Variants in COL3A1 observed in about 807,000 individuals in gnomAD.
COL3A1 encodes collagen alpha-1(III) chain.
In COL3A1, 46 loss-of-function variants were observed where a neutral mutation model predicts 200.9. The ratio of observed to expected loss-of-function variants is 0.23; its 90% confidence interval spans 0.18 to 0.29. The LOEUF (loss-of-function observed/expected upper bound fraction) is 0.29. COL3A1 is among the 10% of genes least tolerant of loss of function. COL3A1 has a pLI of 1.00. For missense variants in COL3A1, 1,367 were observed against 1,917.6 expected, an observed-to-expected ratio of 0.71 and a Z score of 5.36; for synonymous variants, 650 against 628.0, an observed-to-expected ratio of 1.03 and a Z score of -0.52.
chr2:188,981,508 C>G (rs1043525407), intron 1 of COL3A1, among the ~76,000 whole-genome samples: 5 of 151,544 alleles, frequency 3.3e-5, no homozygotes, highest in African/African-American at 1.2e-4. Context: ...AAGTCCATTA[C>G]TTTTCAATAG....
intron 6 of COL3A1, 124 bp downstream of exon 6, chr2:188,988,258 A>C: frequency 1.2e-6 from 1 of 864,324 alleles, no homozygotes; most frequent in Non-Finnish European, 1.9e-6. Context: ...ATCATAACCA[A>C]GAAACTGATT....
intron 27 of COL3A1, among the ~76,000 whole-genome samples, 155 bp from the exon 28 acceptor site, chr2:188,998,111 A>G (rs1576467592): frequency 6.6e-6 from 1 of 152,230 alleles, no homozygotes. Context: ...ATTATCACGT[A>G]TGTGTCACTG....
chr2:188,993,328 A>C, intron 15 of COL3A1, 33 bp from the exon 16 acceptor site: 2 of 1,529,974 alleles, frequency 1.3e-6, no homozygotes, highest in African/African-American at 1.4e-5. Context: ...AGAAGTGGTA[A>C]GAGAAACTGA....
chr2:189,003,519 T>G (rs1688517968), intron 37 of COL3A1, 55 bp downstream of exon 37: 1 of 1,544,198 alleles, frequency 6.5e-7, no homozygotes, highest in Admixed American at 1.7e-5. Flanking sequence ...TATCAACCTG[T>G]ATAAAAGCTG....
intron 13 of COL3A1, 111 bp from the exon 14 acceptor site, chr2:188,992,073 A>T: frequency 1.0e-6 from 1 of 977,218 alleles, no homozygotes; most frequent in Non-Finnish European, 1.7e-6. Context: ...AGCAGATTTT[A>T]ATGTACTTGA....
intron 29 of COL3A1, 63 bp from the exon 30 acceptor site, chr2:188,999,222 T>A (rs759407062): frequency 7.0e-7 from 1 of 1,435,676 alleles, no homozygotes; most frequent in Non-Finnish European, 9.6e-7. Flanking sequence ...ATGATGCAAG[T>A]TAAGGTGCTT....
intron 43 of COL3A1, 70 bp from the exon 44 acceptor site, chr2:189,006,867 A>T: frequency 1.3e-6 from 2 of 1,506,318 alleles, no homozygotes; most frequent in Non-Finnish European, 1.8e-6. Context: ...TTTACTTTTG[A>T]AAACGAAATT....
chr2:189,005,313 A>G, intron 40 of COL3A1, 37 bp from the exon 41 acceptor site: 1 of 1,548,040 alleles, frequency 6.5e-7, no homozygotes, highest in Non-Finnish European at 8.9e-7. Flanking sequence ...TGATTTCTTA[A>G]GTTGAAACAA....
In COL3A1 at chr2:188,984,762, G is replaced by C. The variant is rs767509336; in HGVS notation, c.82G>C (p.Val28Leu). 2 of 1,612,876 alleles carry C rather than the reference G, an allele frequency of 1.2e-6. No individual in the cohort carries two copies. ...ACGTCATCTAACTTGTTTTTCAGCT[G>C]TTGAAGGAGGATGTTCCCATCTTGG... ...PTIILAQQEAVEGGCSHLGQS... is the reference protein window; with the variant it reads ...PTIILAQQEALEGGCSHLGQS... The change falls in exon 2 of 51, where the codon GTT becomes CTT. Residue 28 changes from valine to leucine, a missense_variant and splice_region_variant. Coordinates refer to ENST00000304636, the MANE Select transcript of COL3A1 (RefSeq NM_000090.4).
chr2:189,010,405 A>C, intron 49 of COL3A1, 40 bp downstream of exon 49: 1 of 1,602,904 alleles, frequency 6.2e-7, no homozygotes, highest in Non-Finnish European at 8.5e-7. Context: ...AGTCACCTCT[A>C]TATCCTTTGT....
At chr2:188,980,002 A>G (rs934945918) in intron 1 of COL3A1, among the ~76,000 whole-genome samples, 2 of 151,720 alleles carry the variant, frequency 1.3e-5, no homozygotes, top group Admixed American at 1.3e-4. Flanking sequence ...CAAACTACTC[A>G]GAGCAGTCCC....
At chr2:188,985,480 A>C (rs1688047501) in intron 3 of COL3A1, among the ~76,000 whole-genome samples, 185 bp from the exon 4 acceptor site, 1 of 151,922 alleles carries the variant, frequency 6.6e-6, no homozygotes, top group African/African-American at 2.4e-5. Context: ...TGTGTAGGTC[A>C]ATATACAAAG....
rs186948696 is a variant in COL3A1, at chr2:188,983,068, A to C, written c.80-1692A>C. 1.9e-3 allele frequency among the ~76,000 whole-genome samples: 283 copies of C among 152,034 alleles called. 1 individual carries two copies. The highest frequency in any genetic ancestry group is 6.4e-3 in the African/African-American group (264 of 41,528). ...CTACTTCATTTCCACTGAGATAAGC[A>C]TTTTGGTATTCAGCTTTTATATTCA... On this transcript the variant is annotated intron_variant, in intron 1 of 50. Transcript: ENST00000304636.
At chr2:188,989,537 G>GA (rs996833144) in intron 8 of COL3A1, 88 bp downstream of exon 8, 1,175 of 941,056 alleles carry the variant, frequency 1.2e-3, no homozygotes, top group Middle Eastern at 3.0e-3. Context: ...AATCCCAGAA[G>GA]AAAAAAAAAT....
At position 188,984,792 on chromosome 2, in the gene COL3A1, T is replaced by C; in HGVS notation, c.112T>C (p.Ser38Pro). 1 of 1,613,070 alleles carries C rather than the reference T, an allele frequency of 6.2e-7. No homozygotes were observed. The highest frequency in any genetic ancestry group is 8.5e-7 in the Non-Finnish European group (1 of 1,179,304). The change falls in exon 2 of 51, where the codon TCC becomes CCC. Residue 38 changes from serine (S) to proline (P), a missense_variant. This residue lies in a region of COL3A1 where 55 missense variants were observed against 51.5 expected (regional missense o/e 1.07). Transcript: ENST00000304636. Reference sequence around the variant, plus strand: ...AGGAGGATGTTCCCATCTTGGTCAGTCCTATGCGGATAGAGATGTCTGGAA... The same window carrying C: ...AGGAGGATGTTCCCATCTTGGTCAGCCCTATGCGGATAGAGATGTCTGGAA... ...VEGGCSHLGQSYADRDVWKPE... is the reference protein window; with the variant it reads ...VEGGCSHLGQPYADRDVWKPE...
In COL3A1 at chr2:188,995,119, ATG is replaced by A. The variant is rs1423950734; in HGVS notation, c.1509+22_1509+23del. 6.2e-7 allele frequency: 1 copy of A among 1,611,558 alleles called. No homozygotes were observed. Among genetic ancestry groups the A allele is most frequent in the African/African-American group, 1.3e-5 (1 of 74,890 alleles). The stretch of plus-strand genomic sequence containing the variant: ...GAAAAGGTAGATAACTTTAGTTTCT[ATG>A]TTCCTAAATGCTAGCACCACAAATG... On this transcript the variant is annotated intron_variant, in intron 21 of 50. Coordinates refer to ENST00000304636, the MANE Select transcript of COL3A1 (RefSeq NM_000090.4).
chr2:189,001,347 A>C, intron 32 of COL3A1, 50 bp from the exon 33 acceptor site: 2 of 1,564,270 alleles, frequency 1.3e-6, no homozygotes, highest in South Asian at 1.1e-5. Context: ...ATTAATGCAA[A>C]AAACGATATT....
chr2:188,995,617 T>C, intron 21 of COL3A1, 75 bp from the exon 22 acceptor site: 1 of 1,036,898 alleles, frequency 9.6e-7, no homozygotes, highest in Non-Finnish European at 1.4e-6. Context: ...GTCCTCTCTT[T>C]GTAACCAAAA....
chr2:189,011,601 T>A (rs1343108873), intron 50 of COL3A1, 27 bp from the exon 51 acceptor site: 1 of 1,613,676 alleles, frequency 6.2e-7, no homozygotes, highest in Non-Finnish European at 8.5e-7. Context: ...AATGTCATGA[T>A]CATGTACATT....
Sources: allele counts gnomAD v4.1 joint callset (sites outside exome capture counted in the v4.1 genomes callset), GRCh38; gene constraint gnomAD v4.1.1; regional missense constraint gnomAD v4.1.1; transcripts MANE v1.5; gene names NCBI Gene and HGNC (gene_info 2026-07-23, HGNC 2026-07-21).